The following PRDM15 variants were observed in gnomAD, a reference collection of about 807,000 sequenced individuals.
PRDM15 encodes PR/SET domain 15, also known as PR domain zinc finger protein 15.
PRDM15 carries 64 observed loss-of-function variants against 128.6 expected under a neutral mutation model. The ratio of observed to expected loss-of-function variants is 0.50; its 90% CI spans 0.41 to 0.61. The LOEUF (loss-of-function observed/expected upper bound fraction) is 0.61, where lower values mean the gene tolerates loss of function less well. Ranked by LOEUF, PRDM15 falls within the 20% of genes least tolerant of loss-of-function variation. PRDM15 has a pLI of 0.00. For synonymous variants in PRDM15, 615 were observed against 621.8 expected (o/e 0.99, Z 0.16); for missense variants, 1,242 against 1,569.1 (o/e 0.79, Z 3.52).
chr21:41,816,651 A>T (rs2062062595), intron 18 of PRDM15, among the ~76,000 whole-genome samples: 1 of 152,166 alleles, frequency 6.6e-6, no homozygotes, highest in Non-Finnish European at 1.5e-5. Context: ...CCCTCACCAG[A>T]TGCAGGGGTG....
In PRDM15 at chr21:41,854,646, T is replaced by C; in HGVS notation, c.458A>G (p.Glu153Gly). The C allele has an allele frequency of 6.2e-7, 1 of 1,613,724 alleles. No individual in the cohort carries two copies. Among genetic ancestry groups the C allele is most frequent in the Non-Finnish European group, 8.5e-7 (1 of 1,179,972 alleles). The change falls in exon 5 of 24, where the codon GAG becomes GGG. Residue 153 changes from glutamate (E) to glycine (G), a missense_variant. Physicochemically the swap from Glu to Gly is moderately conservative, Grantham distance 98. Coordinates refer to ENST00000398548, the MANE Select transcript of PRDM15 (RefSeq NM_001040424.3). This position sits in a 1 kb window ranked among gnomAD's most constrained non-coding sequence, Gnocchi z 4.6. The stretch of plus-strand genomic sequence containing the variant: ...GAAGGCCGCATACCACACGCGCAGC[T>C]CGGTACCCGGGGGGATGTCTCTGGA... ...TTSRDIPPGTELRVWYAAFYA... is the reference protein window; with the variant it reads ...TTSRDIPPGTGLRVWYAAFYA...
In PRDM15 at chr21:41,828,307, A is replaced by G; in HGVS notation, c.1393T>C (p.Cys465Arg). The G allele has an allele frequency of 6.2e-7, 1 of 1,614,014 alleles. No individual in the cohort carries two copies. Among genetic ancestry groups the G allele is most frequent in the Non-Finnish European group, 8.5e-7 (1 of 1,179,956 alleles). ...TDDKTFQCEM[C>R]FRFFSTNSNL... ...CTGTTGGTGGAGAAGAATCTGAAAC[A>G]CATCTCACATTGGAACGTCTTGTCA... is the stretch of plus-strand genomic sequence containing the variant. Residue 465 changes from cysteine (C) to arginine (R), a missense_variant, in exon 12 of 24, where the codon TGT becomes CGT. By Grantham distance (180) the Cys-to-Arg change is radical. Transcript: ENST00000398548. The surrounding 1 kb of genome is among the most constrained non-coding windows in gnomAD (Gnocchi z 5.7).
At position 41,798,989 on chromosome 21, in the gene PRDM15, A is replaced by AC. The variant is rs2061358959; in HGVS notation, c.*2250_*2251insG. 1 of 152,232 alleles carries AC rather than the reference A, an allele frequency of 6.6e-6. No individual in the cohort carries two copies. The highest frequency in any genetic ancestry group is 2.1e-4 in the South Asian group (1 of 4,832). 9.4% of individuals were successfully genotyped at this position (152,232 alleles called of 1,614,324 possible). A position where few individuals can be genotyped will look rare whatever the true frequency, so the allele number is the denominator to read the frequency against. On this transcript the variant is annotated 3_prime_UTR_variant, in exon 24 of 24. Coordinates refer to ENST00000398548, the MANE Select transcript of PRDM15 (RefSeq NM_001040424.3). ...ATTTTTCTTTAGAGTTCTCACTTAT[A>AC]ACAAGAAGTAAGAGGTGTCTGTGTA...
At chr21:41,823,002 C>G (rs1337185119) in intron 14 of PRDM15, among the ~76,000 whole-genome samples, 1 of 150,122 alleles carries the variant, frequency 6.7e-6, no homozygotes, top group African/African-American at 2.5e-5. Context: ...TGTACTCCAG[C>G]CTGGGCGACA....
intron 6 of PRDM15, among the ~76,000 whole-genome samples, chr21:41,843,764 A>T (rs1208865402): frequency 6.6e-6 from 1 of 152,112 alleles, no homozygotes; most frequent in African/African-American, 2.4e-5. Flanking sequence ...CAGCCTTGTT[A>T]TGGAATCCTG....
At chr21:41,857,376 G>C in intron 3 of PRDM15, 47 bp from the exon 4 acceptor site, 7 of 1,602,270 alleles carry the variant, frequency 4.4e-6, no homozygotes, top group Non-Finnish European at 6.0e-6. Flanking sequence ...CTCACACCCA[G>C]GGACCGACTC....
chr21:41,809,863 G>A (rs183145108), intron 21 of PRDM15, among the ~76,000 whole-genome samples: 75 of 152,320 alleles, frequency 4.9e-4, no homozygotes, highest in Middle Eastern at 3.4e-3. Context: ...AGTTCCATGA[G>A]TGGGAAGAAT....
intron 21 of PRDM15, among the ~76,000 whole-genome samples, chr21:41,806,334 T>C (rs796326988): frequency 8.3e-3 from 19 of 2,276 alleles, no homozygotes; most frequent in African/African-American, 0.013. Flanking sequence ...ACCACCACCA[T>C]CACCATCACC....
Position 41,802,605 on chromosome 21 carries a change from C to T in PRDM15, c.2943+107G>A, listed in dbSNP as rs757859196. The T allele has an allele frequency of 3.1e-5, 29 of 921,808 alleles. No individual in the cohort carries two copies. The Admixed American group carries it at 4.9e-4, about 15-fold the overall frequency. 57.1% of individuals were successfully genotyped at this position (921,808 alleles called of 1,614,324 possible). A position where few individuals can be genotyped will look rare whatever the true frequency, so the allele number is the denominator to read the frequency against. ...GCTGCCTTCAACCACATGAAGTCCA[C>T]ATGTACACTGTGTATAGTAAAAAGA... On this transcript the variant is annotated intron_variant, in intron 23 of 23. Coordinates refer to ENST00000398548, the MANE Select transcript of PRDM15 (RefSeq NM_001040424.3).
Position 41,801,182 on chromosome 21 carries a change from C to G in PRDM15, c.*58G>C. ...TTTGTTTGGTATCCAGCAAACACATCTAAACAAATCCCAAACATCCCTCTG... is the reference window on the plus strand; with the variant it reads ...TTTGTTTGGTATCCAGCAAACACATGTAAACAAATCCCAAACATCCCTCTG... On this transcript the variant is annotated 3_prime_UTR_variant, in exon 24 of 24. Coordinates refer to ENST00000398548, the MANE Select transcript of PRDM15 (RefSeq NM_001040424.3). 6.7e-7 allele frequency: 1 copy of G among 1,497,664 alleles called. No homozygotes were observed. The highest frequency in any genetic ancestry group is 1.3e-5 in the South Asian group (1 of 74,600). 92.8% of individuals were successfully genotyped at this position (1,497,664 alleles called of 1,614,324 possible).
intron 1 of PRDM15, among the ~76,000 whole-genome samples, chr21:41,868,366 G>A (rs1439379888): frequency 2.6e-5 from 4 of 152,002 alleles, no homozygotes; most frequent in African/African-American, 9.7e-5. Context: ...GCAATGACTG[G>A]GTCATCTGTT....
chr21:41,854,237 C>A lies in PRDM15; in HGVS notation c.538+329G>T, dbSNP rs1452401635. Among the ~76,000 whole-genome samples the A allele has an allele frequency of 6.6e-6, 1 of 152,172 alleles. No individual in the cohort carries two copies. The highest frequency in any genetic ancestry group is 1.5e-5 in the Non-Finnish European group (1 of 68,024). Reference sequence around the variant, plus strand: ...CATACAGCCTGGGTGTGTAGCAGGCCAGGCCATCAAGGTGCGCGAGAGTGC... The same window carrying A: ...CATACAGCCTGGGTGTGTAGCAGGCAAGGCCATCAAGGTGCGCGAGAGTGC... On this transcript the variant is annotated intron_variant, in intron 5 of 23. Coordinates refer to ENST00000398548, the MANE Select transcript of PRDM15 (RefSeq NM_001040424.3). The surrounding 1 kb of genome is among the most constrained non-coding windows in gnomAD (Gnocchi z 4.6).
At chr21:41,820,028 C>A in intron 17 of PRDM15, 67 bp downstream of exon 17, 3 of 1,350,080 alleles carry the variant, frequency 2.2e-6, no homozygotes. Context: ...CGCGGAGACC[C>A]CCAGCATCCC....
intron 1 of PRDM15, among the ~76,000 whole-genome samples, chr21:41,878,243 T>C (rs1308196575): frequency 6.6e-6 from 1 of 152,214 alleles, no homozygotes; most frequent in African/African-American, 2.4e-5. Context: ...CGAGTGTTGG[T>C]AGCTTTAAAT....
Position 41,821,780 on chromosome 21 carries a change from C to G in PRDM15, c.1896+123G>C. 1 of 1,240,898 alleles carries G rather than the reference C, an allele frequency of 8.1e-7. No individual in the cohort carries two copies. The highest frequency in any genetic ancestry group is 1.1e-6 in the Non-Finnish European group (1 of 872,776). The allele number at this position is 1,240,898 out of a possible 1,614,324, so 76.9% of individuals were successfully genotyped here. A position where few individuals can be genotyped will look rare whatever the true frequency, so the allele number is the denominator to read the frequency against. On this transcript the variant is annotated intron_variant, in intron 15 of 23. Coordinates refer to ENST00000398548, the MANE Select transcript of PRDM15 (RefSeq NM_001040424.3). This position sits in a 1 kb window ranked among gnomAD's most constrained non-coding sequence, Gnocchi z 5.4. ...TCTGCAGTAGGACCACTGGCCGGAGCCTTTGGGGAGGGAGGGCTGCTTCCG... is the reference window on the plus strand; with the variant it reads ...TCTGCAGTAGGACCACTGGCCGGAGGCTTTGGGGAGGGAGGGCTGCTTCCG...
In PRDM15 at chr21:41,802,915, G is replaced by A; in HGVS notation, c.2740C>T (p.Leu914=). 1.2e-6 allele frequency: 2 copies of A among 1,613,770 alleles called. No homozygotes were observed. Among genetic ancestry groups the A allele is most frequent in the Non-Finnish European group, 1.7e-6 (2 of 1,179,954 alleles). Residue 914 remains leucine (L), a synonymous_variant, in exon 23 of 24, where the codon CTG becomes TTG. Transcript: ENST00000398548. ...ASSIGIVQPE[L]TLEQEDLAEG... ...GCCAAATCCTCCTGCTCCAGAGTCA[G>A]CTCAGGCTGCAGAAAAATCGGTTTC...
At chr21:41,838,152 C>T in intron 7 of PRDM15, 89 bp from the exon 8 acceptor site, 2 of 1,419,886 alleles carry the variant, frequency 1.4e-6, no homozygotes, top group African/African-American at 1.4e-5. Context: ...CCCATGGGAA[C>T]CACAGCCAGG....
chr21:41,808,539 G>T (rs1351189474), intron 21 of PRDM15, among the ~76,000 whole-genome samples: 1 of 152,212 alleles, frequency 6.6e-6, no homozygotes, highest in Admixed American at 6.5e-5. Context: ...ATTCCAAAAG[G>T]AAGTCACTTT....
chr21:41,816,906 AAAG>A (rs1313828457), intron 18 of PRDM15, among the ~76,000 whole-genome samples: 8 of 152,024 alleles, frequency 5.3e-5, no homozygotes, highest in African/African-American at 1.9e-4. Context: ...AAAAAAAAAA[AAAG>A]AGTGCCGGTC....
Sources: gnomAD v4.1 joint callset for allele counts (sites outside exome capture counted in the v4.1 genomes callset) on GRCh38, gnomAD v4.1.1 for gene constraint, Gnocchi (gnomAD v3.1) non-coding constraint, MANE v1.5 for transcripts, NCBI Gene and HGNC (gene_info 2026-07-23, HGNC 2026-07-21) for gene names.